Variants in DLGAP2 observed in about 807,000 individuals in gnomAD.
DLGAP2 encodes the protein disks large-associated protein 2.
Under a neutral mutation model 100.3 loss-of-function variants are expected in DLGAP2, and 26 were observed. The ratio of observed to expected loss-of-function variants is 0.26; its 90% CI spans 0.19 to 0.36. The LOEUF (loss-of-function observed/expected upper bound fraction) is 0.36, where lower values mean the gene tolerates loss of function less well. DLGAP2 is among the 10% of genes least tolerant of loss of function. DLGAP2 has a pLI of 1.00. For synonymous variants in DLGAP2, 886 were observed against 630.1 expected (o/e 1.41, Z -6.08); for missense variants, 1,858 against 1,453.2 (o/e 1.28, Z -4.53).
In DLGAP2 at chr8:1,005,007, G is replaced by T. The variant is rs753879259; in HGVS notation, c.73+97041G>T. 9.8e-4 allele frequency among the ~76,000 whole-genome samples: 149 copies of T among 152,182 alleles called. 1 individual carries two copies. The highest frequency in any genetic ancestry group is 1.2e-3 in the Non-Finnish European group (81 of 68,036). ...GCTTTTTGGCTGGGTCTTGTGTAGT[G>T]GTTGAATGAGATGTGACCATGGAGG... is the stretch of plus-strand genomic sequence containing the variant. On this transcript the variant is annotated intron_variant, in intron 2 of 14. Coordinates refer to ENST00000637795, the MANE Select transcript of DLGAP2 (RefSeq NM_001346810.2).
intron 2 of DLGAP2, among the ~76,000 whole-genome samples, chr8:1,202,752 C>A (rs886969132): frequency 6.6e-6 from 1 of 152,164 alleles, no homozygotes; most frequent in African/African-American, 2.4e-5. Flanking sequence ...GTGTGAGATC[C>A]AGAGGCCTCA....
intron 1 of DLGAP2, among the ~76,000 whole-genome samples, chr8:901,980 C>G (rs1274298330): frequency 1.3e-5 from 2 of 152,168 alleles, no homozygotes; most frequent in African/African-American, 4.8e-5. Flanking sequence ...CGTGCAACCC[C>G]CACTGGACCC....
intron 8 of DLGAP2, among the ~76,000 whole-genome samples, chr8:1,641,884 GT>G (rs1563275245): frequency 1.0e-4 from 13 of 128,900 alleles, no homozygotes; most frequent in South Asian, 5.4e-4. Flanking sequence ...GAACCCGCCG[GT>G]CCTCACCTGT....
At chr8:1,318,337 C>G (rs938149613) in intron 3 of DLGAP2, among the ~76,000 whole-genome samples, 3 of 152,004 alleles carry the variant, frequency 2.0e-5, no homozygotes, top group East Asian at 1.9e-4. Flanking sequence ...TTCAGCTTTA[C>G]TTTCCTGGAT....
At chr8:769,197 C>T (rs556345698) in intron 1 of DLGAP2, among the ~76,000 whole-genome samples, 7 of 152,282 alleles carry the variant, frequency 4.6e-5, no homozygotes, top group African/African-American at 1.7e-4. Context: ...AGAAGCATTT[C>T]ATCCCGAGGG....
In DLGAP2 at chr8:1,435,542, G is replaced by A. The variant is rs189633131; in HGVS notation, c.107-65824G>A. Among the ~76,000 whole-genome samples the A allele has an allele frequency of 2.1e-3, 323 of 152,242 alleles. 1 individual carries two copies. Among genetic ancestry groups the A allele is most frequent in the Non-Finnish European group, 1.9e-3 (131 of 68,034 alleles). On this transcript the variant is annotated intron_variant, in intron 3 of 14. Transcript: ENST00000637795. ...CGGAAGTGTAGCCGTAGAGGGATGC[G>A]CAGTGCATCTTGTGATGGTGCTGAC...
chr8:820,437 G>T (rs1186122070), intron 1 of DLGAP2, among the ~76,000 whole-genome samples: 1 of 152,162 alleles, frequency 6.6e-6, no homozygotes, highest in Non-Finnish European at 1.5e-5. Flanking sequence ...CATTTGCAAT[G>T]TGTAGAATAG....
intron 5 of DLGAP2, among the ~76,000 whole-genome samples, chr8:1,560,951 G>A (rs562660306): frequency 4.6e-5 from 7 of 152,188 alleles, no homozygotes; most frequent in South Asian, 2.1e-4. Flanking sequence ...ATTAATACCC[G>A]ATATGGTTTG....
intron 3 of DLGAP2, among the ~76,000 whole-genome samples, chr8:1,265,567 C>T (rs904937565): frequency 2.8e-4 from 42 of 152,230 alleles, no homozygotes; most frequent in African/African-American, 9.9e-4. Context: ...CAAGATTTTC[C>T]TAGAAGTGAA....
intron 4 of DLGAP2, among the ~76,000 whole-genome samples, chr8:1,513,871 G>T (rs1800268118): frequency 6.6e-6 from 1 of 151,822 alleles, no homozygotes; most frequent in Non-Finnish European, 1.5e-5. Context: ...TCGAACCTCA[G>T]ACCCATCCTT....
intron 1 of DLGAP2, among the ~76,000 whole-genome samples, chr8:890,817 C>T (rs1019382834): frequency 6.6e-6 from 1 of 152,164 alleles, no homozygotes; most frequent in African/African-American, 2.4e-5. Context: ...GTGCCCAAGC[C>T]ACCCTGGGGC....
At chr8:1,241,635 A>G (rs776002483) in intron 2 of DLGAP2, among the ~76,000 whole-genome samples, 14 of 152,214 alleles carry the variant, frequency 9.2e-5, no homozygotes, top group Non-Finnish European at 1.8e-4. Context: ...AGGCATTTGT[A>G]AAATACTCCA....
chr8:781,739 G>T (rs1821692936), intron 1 of DLGAP2, among the ~76,000 whole-genome samples: 1 of 152,168 alleles, frequency 6.6e-6, no homozygotes, highest in Admixed American at 6.5e-5. Flanking sequence ...TGAAAAATTT[G>T]TCTAAGGGCC....
intron 1 of DLGAP2, among the ~76,000 whole-genome samples, chr8:833,120 C>G (rs1335068673): frequency 2.0e-5 from 3 of 152,180 alleles, no homozygotes; most frequent in Admixed American, 6.5e-5. Flanking sequence ...GCTGTGTTCA[C>G]AGTGTTTCTA....
intron 1 of DLGAP2, among the ~76,000 whole-genome samples, chr8:867,592 C>T (rs1346961959): frequency 1.3e-5 from 2 of 152,228 alleles, no homozygotes; most frequent in African/African-American, 4.8e-5. Flanking sequence ...GACATGCACA[C>T]ATCTGAGAAG....
chr8:1,209,304 A>C (rs995095329), intron 2 of DLGAP2, among the ~76,000 whole-genome samples: 5 of 152,258 alleles, frequency 3.3e-5, no homozygotes, highest in African/African-American at 1.2e-4. Flanking sequence ...AAAAATAGGC[A>C]TGTAGAGCAA....
chr8:1,281,946 C>T (rs1302923886), intron 3 of DLGAP2, among the ~76,000 whole-genome samples: 2 of 151,786 alleles, frequency 1.3e-5, no homozygotes, highest in African/African-American at 4.8e-5. Flanking sequence ...GAGCATGCAC[C>T]AGGGCCGCAA....
chr8:1,517,633 G>A lies in DLGAP2; in HGVS notation c.172+16202G>A, dbSNP rs576159445. ...TCCATCCGAATGCAGGCACACACCT[G>A]CTAAAATGCACCACACAGCAGAAGG... On this transcript the variant is annotated intron_variant, in intron 4 of 14. Coordinates refer to ENST00000637795, the MANE Select transcript of DLGAP2 (RefSeq NM_001346810.2). 2.0e-5 allele frequency among the ~76,000 whole-genome samples: 3 copies of A among 152,178 alleles called. No individual in the cohort carries two copies. In the South Asian group the frequency reaches 6.2e-4, roughly 32 times the overall value.
At chr8:821,437 T>C (rs539483238) in intron 1 of DLGAP2, among the ~76,000 whole-genome samples, 1 of 152,316 alleles carries the variant, frequency 6.6e-6, no homozygotes, top group South Asian at 2.1e-4. Context: ...TGTTCGTACT[T>C]CCTCCGATTC....
Sources: gnomAD v4.1 joint callset for allele counts (sites outside exome capture counted in the v4.1 genomes callset) on GRCh38, gnomAD v4.1.1 for gene constraint, MANE v1.5 for transcripts, NCBI Gene and HGNC (gene_info 2026-07-23, HGNC 2026-07-21) for gene names.